Variants in USP25 observed in about 807,000 individuals in gnomAD.
USP25 encodes the protein ubiquitin specific peptidase 25.
USP25 carries 85 observed loss-of-function variants against 158.5 expected under a neutral mutation model. That is an observed-to-expected ratio of 0.54 (90% confidence interval 0.45 to 0.64). The LOEUF (loss-of-function observed/expected upper bound fraction) is 0.64, where lower values mean the gene tolerates loss of function less well. Among genes scored for constraint, USP25 ranks in the 30% least tolerant of loss-of-function variants. The pLI is 0.00. For synonymous variants in USP25, 464 were observed against 460.4 expected, an observed-to-expected ratio of 1.01 and a Z score of -0.10; for missense variants, 1,242 against 1,327.3, an observed-to-expected ratio of 0.94 and a Z score of 1.00.
At position 15,831,507 on chromosome 21, in the gene USP25, A is replaced by G. The variant is rs1384339876; in HGVS notation, c.1871A>G (p.Asn624Ser). ...DHRESRWMKY[N>S]DIAVTKSSWE... ...CGTGAAAGCAGATGGATGAAGTACA[A>G]TGATATTGCTGTGACAAAATCATCA... The change falls in exon 16 of 26, where the codon AAT becomes AGT. Residue 624 changes from asparagine (N) to serine (S), a missense_variant. Asn to Ser is a conservative substitution (Grantham distance 46, BLOSUM62 1). Around this residue, in one of 3 missense-constraint regions of USP25, gnomAD observed 608 missense variants for 605.2 expected, o/e 1.00. Transcript: ENST00000400183. 3.1e-6 allele frequency: 5 copies of G among 1,614,144 alleles called. No homozygotes were observed. Among genetic ancestry groups the G allele is most frequent in the Admixed American group, 3.3e-5 (2 of 60,034 alleles).
At chr21:15,750,080 C>G (rs370814168) in intron 1 of USP25, among the ~76,000 whole-genome samples, 1 of 151,966 alleles carries the variant, frequency 6.6e-6, no homozygotes, top group Non-Finnish European at 1.5e-5. Flanking sequence ...GAACTTTCAA[C>G]CCCAGTCCAG....
rs576223600 is a variant in USP25 at position 15,870,914 on chromosome 21, A to G, written c.2885+767A>G. 3.9e-5 allele frequency among the ~76,000 whole-genome samples: 6 copies of G among 152,336 alleles called. No homozygotes were observed. The East Asian group carries it at 1.2e-3, about 29-fold the overall frequency. Reference sequence around the variant, plus strand: ...TAATTCTGGAGCTATGCTGTCCAACATAGCGGCCACCTGACAAAACTTAAA... The same window carrying G: ...TAATTCTGGAGCTATGCTGTCCAACGTAGCGGCCACCTGACAAAACTTAAA... On this transcript the variant is annotated intron_variant, in intron 23 of 25. Transcript: ENST00000400183.
At chr21:15,822,711 T>C (rs1240406594) in intron 10 of USP25, among the ~76,000 whole-genome samples, 1 of 152,010 alleles carries the variant, frequency 6.6e-6, no homozygotes, top group Non-Finnish European at 1.5e-5. Context: ...ATTTTATATG[T>C]GGATTAGAAC....
intron 1 of USP25, among the ~76,000 whole-genome samples, chr21:15,744,579 C>A: frequency 7.7e-6 from 1 of 129,854 alleles, no homozygotes; most frequent in South Asian, 2.4e-4. Flanking sequence ...CTCCTAGGGT[C>A]TGCAGTTTTG....
intron 10 of USP25, among the ~76,000 whole-genome samples, chr21:15,823,792 G>A (rs2037355211): frequency 6.6e-6 from 1 of 152,054 alleles, no homozygotes; most frequent in Non-Finnish European, 1.5e-5. Flanking sequence ...AATTATTTTC[G>A]AAGGATAGTT....
chr21:15,805,847 G>A (rs1446219868), intron 7 of USP25, among the ~76,000 whole-genome samples: 3 of 152,156 alleles, frequency 2.0e-5, no homozygotes, highest in Admixed American at 6.5e-5. Flanking sequence ...AATAGTAAGT[G>A]TTCAAAAAGA....
At chr21:15,856,662 A>G (rs980509973) in intron 20 of USP25, among the ~76,000 whole-genome samples, 21 of 152,056 alleles carry the variant, frequency 1.4e-4, no homozygotes, top group South Asian at 6.2e-4. Flanking sequence ...TAGTAGAGAC[A>G]GGGTTTCACC....
At chr21:15,749,098 A>G (rs564218952) in intron 1 of USP25, among the ~76,000 whole-genome samples, 2 of 152,102 alleles carry the variant, frequency 1.3e-5, no homozygotes, top group South Asian at 4.2e-4. Context: ...GTGTGATTTA[A>G]TGTAGAGCAG....
intron 6 of USP25, among the ~76,000 whole-genome samples, chr21:15,802,398 A>G (rs554957413): frequency 5.9e-5 from 9 of 151,696 alleles, no homozygotes; most frequent in African/African-American, 2.2e-4. Context: ...AGCTGGATTT[A>G]TAAGTCTCAG....
chr21:15,852,494 T>C (rs1568890985), intron 20 of USP25, among the ~76,000 whole-genome samples: 1 of 152,174 alleles, frequency 6.6e-6, no homozygotes, highest in Non-Finnish European at 1.5e-5. Flanking sequence ...GCTTTTAAAG[T>C]AGTATCTGGT....
chr21:15,739,742 T>A (rs955177021), intron 1 of USP25, among the ~76,000 whole-genome samples: 3 of 152,156 alleles, frequency 2.0e-5, no homozygotes, highest in Non-Finnish European at 2.9e-5. Context: ...TAATCACTGA[T>A]TTTTGTTATG....
intron 4 of USP25, among the ~76,000 whole-genome samples, chr21:15,785,398 A>G (rs1376547990): frequency 1.3e-5 from 2 of 152,334 alleles, no homozygotes; most frequent in African/African-American, 4.8e-5. Context: ...GAACAGCCGC[A>G]GAATACACAT....
At chr21:15,776,489 A>G (rs952005819) in intron 3 of USP25, among the ~76,000 whole-genome samples, 1 of 152,126 alleles carries the variant, frequency 6.6e-6, no homozygotes, top group Admixed American at 6.6e-5. Context: ...CATTAAATAT[A>G]TAATATGCTT....
chr21:15,751,367 C>T (rs1204630909), intron 1 of USP25, among the ~76,000 whole-genome samples: 2 of 152,128 alleles, frequency 1.3e-5, no homozygotes, highest in Non-Finnish European at 2.9e-5. Flanking sequence ...ACTGTATTTG[C>T]TTTAAAGAAT....
intron 1 of USP25, among the ~76,000 whole-genome samples, chr21:15,735,672 T>G (rs1185649604): frequency 1.3e-5 from 2 of 152,134 alleles, no homozygotes; most frequent in African/African-American, 4.8e-5. Flanking sequence ...AATTGTTTAG[T>G]GTAGGATTAT....
chr21:15,759,763 C>G (rs912614179), intron 1 of USP25, among the ~76,000 whole-genome samples: 5 of 152,090 alleles, frequency 3.3e-5, no homozygotes, highest in African/African-American at 1.2e-4. Context: ...ATGTCTACCC[C>G]CCACTTCCAG....
intron 1 of USP25, among the ~76,000 whole-genome samples, chr21:15,760,603 A>C (rs2033666398): frequency 6.6e-6 from 1 of 152,248 alleles, no homozygotes; most frequent in Non-Finnish European, 1.5e-5. Flanking sequence ...GACTTCTGAA[A>C]ATACATATTT....
chr21:15,754,426 T>A (rs2033243823), intron 1 of USP25, among the ~76,000 whole-genome samples: 2 of 152,226 alleles, frequency 1.3e-5, no homozygotes, highest in African/African-American at 4.8e-5. Context: ...GTCTCATTGA[T>A]AACTTTGAAA....
intron 4 of USP25, among the ~76,000 whole-genome samples, chr21:15,787,197 T>A (rs2035325510): frequency 6.6e-6 from 1 of 152,134 alleles, no homozygotes; most frequent in African/African-American, 2.4e-5. Flanking sequence ...ATCTCCAGAC[T>A]TACTGCAGTC....
Sources: gnomAD v4.1 joint callset for allele counts (sites outside exome capture counted in the v4.1 genomes callset) on GRCh38, gnomAD v4.1.1 for gene constraint, gnomAD v4.1.1 regional missense constraint, MANE v1.5 for transcripts, NCBI Gene and HGNC (gene_info 2026-07-23, HGNC 2026-07-21) for gene names.